Variants in PDE3A observed in about 807,000 individuals in gnomAD.
The protein encoded by PDE3A is phosphodiesterase 3A, also known as cGMP-inhibited 3',5'-cyclic phosphodiesterase 3A.
A neutral mutation model predicts 98.3 loss-of-function variants in PDE3A; 43 were observed. The observed-to-expected ratio is 0.44, with a 90% CI of 0.34 to 0.56. PDE3A has a LOEUF of 0.56. Ranked by LOEUF, PDE3A falls within the 20% of genes least tolerant of loss-of-function variation. The pLI, the probability that PDE3A is intolerant of heterozygous loss-of-function variation, is 0.01. For synonymous variants in PDE3A, 663 were observed against 567.9 expected (o/e 1.17, Z -2.38); for missense variants, 1,427 against 1,440.7 (o/e 0.99, Z 0.15).
At chr12:20,618,001 A>G (rs1292972671) in intron 4 of PDE3A, among the ~76,000 whole-genome samples, 1 of 152,178 alleles carries the variant, frequency 6.6e-6, no homozygotes, top group Non-Finnish European at 1.5e-5. Context: ...TACAATAGAA[A>G]TAAGGAATAG....
rs1457850298 is a variant in PDE3A at position 20,687,275 on chromosome 12, C to G, written c.*7004C>G. Among the ~76,000 whole-genome samples, 1 of 151,962 alleles carries G rather than the reference C, an allele frequency of 6.6e-6. No individual in the cohort carries two copies. The highest frequency in any genetic ancestry group is 2.4e-5 in the African/African-American group (1 of 41,406). On this transcript the variant is annotated 3_prime_UTR_variant, in exon 16 of 16. Transcript: ENST00000359062. ...CCCAACTGATTATGGGTCAAAAACT[C>G]CATCTTATATCAGCGATGATTTCAT...
intron 1 of PDE3A, among the ~76,000 whole-genome samples, chr12:20,452,571 T>C (rs1945084678): frequency 1.3e-5 from 2 of 152,236 alleles, no homozygotes; most frequent in African/African-American, 4.8e-5. Flanking sequence ...ATGGTGTAGT[T>C]ACCGCAGGAC....
At chr12:20,659,556 A>G (rs1263800286) in intron 15 of PDE3A, among the ~76,000 whole-genome samples, 1 of 151,092 alleles carries the variant, frequency 6.6e-6, no homozygotes, top group African/African-American at 2.4e-5. Context: ...GCTAACTTGT[A>G]CTGTTTTTTT....
chr12:20,552,032 A>G lies in PDE3A; in HGVS notation c.961-4628A>G. The G allele has an allele frequency of 1.2e-6, 2 of 1,612,430 alleles. No homozygotes were observed. Among genetic ancestry groups the G allele is most frequent in the Non-Finnish European group, 1.7e-6 (2 of 1,179,890 alleles). On this transcript the variant is annotated intron_variant, in intron 1 of 15. Coordinates refer to ENST00000359062, the MANE Select transcript of PDE3A (RefSeq NM_000921.5). This position sits in a 1 kb window ranked among gnomAD's most constrained non-coding sequence, Gnocchi z 5.1. ...CTAGTCCTGGCGGGGGGCTACGAGG[A>G]TGACGTGGACCATGGGAATTTTTTC...
At chr12:20,457,108 G>T (rs1268960586) in intron 1 of PDE3A, among the ~76,000 whole-genome samples, 3 of 151,838 alleles carry the variant, frequency 2.0e-5, no homozygotes, top group African/African-American at 7.3e-5. Flanking sequence ...GACAATTCAC[G>T]TAGCAAGAAA....
At chr12:20,464,322 A>G (rs542617264) in intron 1 of PDE3A, among the ~76,000 whole-genome samples, 2 of 152,336 alleles carry the variant, frequency 1.3e-5, no homozygotes, top group Admixed American at 6.5e-5. Flanking sequence ...ATCCCCTTCA[A>G]AATGAGGGTT....
At chr12:20,438,046 T>C (rs1195130478) in intron 1 of PDE3A, among the ~76,000 whole-genome samples, 2 of 152,134 alleles carry the variant, frequency 1.3e-5, no homozygotes, top group Non-Finnish European at 2.9e-5. Context: ...AAAGCAGCCC[T>C]GTGCAAGGCT....
At chr12:20,490,493 A>T (rs1021248830) in intron 1 of PDE3A, among the ~76,000 whole-genome samples, 1 of 152,188 alleles carries the variant, frequency 6.6e-6, no homozygotes, top group Non-Finnish European at 1.5e-5. Context: ...GGAGAATATA[A>T]GGCTTCTCAG....
chr12:20,377,243 G>C (rs183091576), intron 1 of PDE3A, among the ~76,000 whole-genome samples: 1 of 151,882 alleles, frequency 6.6e-6, no homozygotes, highest in Non-Finnish European at 1.5e-5. Context: ...GCACTGTCCA[G>C]TAGAAATACA....
intron 1 of PDE3A, among the ~76,000 whole-genome samples, chr12:20,427,412 C>A (rs1262280209): frequency 2.0e-5 from 3 of 152,216 alleles, no homozygotes; most frequent in Non-Finnish European, 2.9e-5. Context: ...TATAGTATGA[C>A]CTTGGAAACT....
intron 15 of PDE3A, among the ~76,000 whole-genome samples, chr12:20,670,099 G>A (rs1385642257): frequency 5.3e-5 from 8 of 149,936 alleles, no homozygotes; most frequent in Non-Finnish European, 1.2e-4. Context: ...AAGAGACAAA[G>A]AAGGCCATTA....
At chr12:20,539,664 A>T (rs1421455701) in intron 1 of PDE3A, among the ~76,000 whole-genome samples, 1 of 152,114 alleles carries the variant, frequency 6.6e-6, no homozygotes, top group African/African-American at 2.4e-5. Context: ...ATGGATGATC[A>T]GTCACAGAAA....
intron 14 of PDE3A, 64 bp downstream of exon 14, chr12:20,650,664 G>T: frequency 2.2e-6 from 2 of 902,090 alleles, no homozygotes; most frequent in South Asian, 4.1e-5. Flanking sequence ...ATTGCTCAAA[G>T]CTTCTAACAG....
intron 14 of PDE3A, among the ~76,000 whole-genome samples, chr12:20,651,085 CTG>C (rs1196203375): frequency 6.6e-6 from 1 of 152,040 alleles, no homozygotes; most frequent in Non-Finnish European, 1.5e-5. Context: ...TCGAATGTAT[CTG>C]TATATTAGAT....
intron 15 of PDE3A, among the ~76,000 whole-genome samples, chr12:20,663,957 C>A (rs190540152): frequency 2.0e-5 from 3 of 151,878 alleles, no homozygotes; most frequent in African/African-American, 7.3e-5. Context: ...CCATGTGTTG[C>A]GGGAGGGACC....
chr12:20,417,429 A>G lies in PDE3A; in HGVS notation c.960+47185A>G, dbSNP rs570708886. Among the ~76,000 whole-genome samples the G allele has an allele frequency of 3.9e-5, 6 of 152,362 alleles. No homozygotes were observed. The South Asian group carries it at 1.2e-3, about 32-fold the overall frequency. On this transcript the variant is annotated intron_variant, in intron 1 of 15. Coordinates refer to ENST00000359062, the MANE Select transcript of PDE3A (RefSeq NM_000921.5). Reference sequence around the variant, plus strand: ...AAAGAATATTTTACAAAATCACAGTATCAACCATAGCCTCGAGAGGTAAAA... The same window carrying G: ...AAAGAATATTTTACAAAATCACAGTGTCAACCATAGCCTCGAGAGGTAAAA...
chr12:20,577,927 G>T (rs1164705018), intron 2 of PDE3A, among the ~76,000 whole-genome samples: 1 of 152,174 alleles, frequency 6.6e-6, no homozygotes, highest in Non-Finnish European at 1.5e-5. Context: ...GGAAGTAGAG[G>T]TGTGAATTCG....
At chr12:20,417,046 ACATAATGTG>A in intron 1 of PDE3A, among the ~76,000 whole-genome samples, 1 of 152,316 alleles carries the variant, frequency 6.6e-6, no homozygotes, top group South Asian at 2.1e-4. Flanking sequence ...ACCAAAATGT[ACATAATGTG>A]CATAAATGAT....
chr12:20,589,868 TAAAAAAAAAAAAA>T (rs11362815), intron 2 of PDE3A, among the ~76,000 whole-genome samples: 1 of 112,398 alleles, frequency 8.9e-6, no homozygotes, highest in African/African-American at 3.4e-5. Context: ...GACTGCATCT[TAAAAAAAAAAAAA>T]AAAAAAAAGA....
Sources: gnomAD v4.1 joint callset for allele counts (sites outside exome capture counted in the v4.1 genomes callset) on GRCh38, gnomAD v4.1.1 for gene constraint, Gnocchi (gnomAD v3.1) non-coding constraint, MANE v1.5 for transcripts, NCBI Gene and HGNC (gene_info 2026-07-23, HGNC 2026-07-21) for gene names.